Variants in STPG2 observed in about 807,000 individuals in gnomAD.
STPG2 encodes sperm tail PG-rich repeat containing 2, also known as sperm-tail PG-rich repeat-containing protein 2.
Under a neutral mutation model 54.2 loss-of-function variants are expected in STPG2, and 56 were observed. The ratio of observed to expected loss-of-function variants is 1.03; its 90% CI spans 0.83 to 1.29. STPG2 has a LOEUF of 1.29. STPG2 is among the 50% of genes most tolerant of loss of function. The probability of loss-of-function intolerance (pLI) is 0.00; values close to 1 mark genes in which losing one functional copy is unlikely to be tolerated. For synonymous variants in STPG2, 200 were observed against 181.8 expected, an observed-to-expected ratio of 1.10 and a Z score of -0.81; for missense variants, 596 against 544.9, an observed-to-expected ratio of 1.09 and a Z score of -0.93.
At chr4:97,631,477 G>C (rs1461471182) in intron 10 of STPG2, among the ~76,000 whole-genome samples, 3 of 152,162 alleles carry the variant, frequency 2.0e-5, no homozygotes, top group South Asian at 4.1e-4. Flanking sequence ...AATATATTCT[G>C]TAATTTTTAT....
intron 5 of STPG2, among the ~76,000 whole-genome samples, chr4:98,041,598 T>A (rs1736960856): frequency 1.3e-5 from 2 of 152,074 alleles, no homozygotes; most frequent in South Asian, 4.1e-4. Context: ...ATCATATAGT[T>A]TTTTGTTTTT....
chr4:98,111,561 C>T (rs1739348081), intron 3 of STPG2, among the ~76,000 whole-genome samples: 1 of 152,132 alleles, frequency 6.6e-6, no homozygotes. Flanking sequence ...AGCCCCCACA[C>T]ATTATAATAT....
intron 10 of STPG2, among the ~76,000 whole-genome samples, chr4:97,588,846 C>CA (rs1376390113): frequency 6.6e-6 from 1 of 151,976 alleles, no homozygotes; most frequent in African/African-American, 2.4e-5. Context: ...CTATCAAAAA[C>CA]AAAAACAGCA....
At chr4:98,004,170 GC>G (rs1329784879) in intron 5 of STPG2, among the ~76,000 whole-genome samples, 1 of 152,048 alleles carries the variant, frequency 6.6e-6, no homozygotes, top group Non-Finnish European at 1.5e-5. Context: ...CCACCTCCCA[GC>G]CCCTAACAAC....
At chr4:97,515,216 A>C (rs1480919432) in intron 4 of STPG2, among the ~76,000 whole-genome samples, 1 of 152,086 alleles carries the variant, frequency 6.6e-6, no homozygotes, top group Non-Finnish European at 1.5e-5. Context: ...CAGTAAATCT[A>C]TAAGGTTGCA....
At chr4:98,070,817 C>A (rs923267822) in intron 5 of STPG2, among the ~76,000 whole-genome samples, 1 of 151,902 alleles carries the variant, frequency 6.6e-6, no homozygotes, top group African/African-American at 2.4e-5. Context: ...AAGTAAAGGA[C>A]CTCTTCAAGG....
intron 4 of STPG2, among the ~76,000 whole-genome samples, chr4:97,480,466 C>T (rs548958328): frequency 2.9e-4 from 44 of 151,506 alleles, no homozygotes; most frequent in African/African-American, 9.6e-4. Context: ...TTTTAAGAGG[C>T]CTGTAATACC....
chr4:97,966,984 G>A (rs937118686), intron 7 of STPG2, among the ~76,000 whole-genome samples: 9 of 152,078 alleles, frequency 5.9e-5, no homozygotes, highest in Admixed American at 2.0e-4. Flanking sequence ...ACATCATAAT[G>A]ACAGGATCAA....
intron 5 of STPG2, among the ~76,000 whole-genome samples, chr4:98,063,704 C>T (rs542907568): frequency 2.8e-4 from 42 of 151,720 alleles, no homozygotes; most frequent in Non-Finnish European, 4.9e-4. Flanking sequence ...ATAGACAAGT[C>T]TATATCAAAA....
chr4:97,861,774 T>G (rs1729550591), intron 8 of STPG2, among the ~76,000 whole-genome samples: 1 of 152,084 alleles, frequency 6.6e-6, no homozygotes, highest in Non-Finnish European at 1.5e-5. Flanking sequence ...TATTCAACGT[T>G]CTTAAAGAGA....
At chr4:97,801,130 C>T (rs968837500) in intron 9 of STPG2, among the ~76,000 whole-genome samples, 7 of 152,294 alleles carry the variant, frequency 4.6e-5, no homozygotes, top group South Asian at 2.1e-4. Context: ...TTGTGCTTCC[C>T]GGGTGAGGCA....
At chr4:97,620,574 C>T (rs1217935035) in intron 10 of STPG2, among the ~76,000 whole-genome samples, 1 of 152,094 alleles carries the variant, frequency 6.6e-6, no homozygotes, top group Admixed American at 6.6e-5. Context: ...GTAAAGAGTT[C>T]AATTCAATAA....
chr4:97,799,480 T>A (rs1164870695), intron 9 of STPG2, among the ~76,000 whole-genome samples: 1 of 152,204 alleles, frequency 6.6e-6, no homozygotes, highest in African/African-American at 2.4e-5. Context: ...GGGTTGAAAA[T>A]TCTTTTCTTA....
Position 98,023,145 on chromosome 4 carries a change from G to C in STPG2, c.613-41827C>G, listed in dbSNP as rs561214621. ...GCTCTGTTTTTTCGCCATCTTTGTG[G>C]TTTCATCTACTTTTGGTCTTTGATG... On this transcript the variant is annotated intron_variant, in intron 5 of 10. Transcript: ENST00000295268. Among the ~76,000 whole-genome samples, 9 of 152,240 alleles carry C rather than the reference G, an allele frequency of 5.9e-5. No homozygotes were observed. The South Asian group carries it at 1.9e-3, about 32-fold the overall frequency.
chr4:98,130,952 G>A lies in STPG2; in HGVS notation c.223-2360C>T, dbSNP rs1459829302. 7.6e-3 allele frequency among the ~76,000 whole-genome samples: 618 copies of A among 81,514 alleles called. 43 individuals carry two copies. Among genetic ancestry groups the A allele is most frequent in the African/African-American group, 0.011 (230 of 20,288 alleles). 53.5% of individuals were successfully genotyped at this position (81,514 alleles called of 152,430 possible). On this transcript the variant is annotated intron_variant, in intron 2 of 10. Transcript: ENST00000295268. ...AAAAAAAAAAAAACAAAAAAAAAAC[G>A]ACTTTCCAAAATATAGCCCCTACCT...
chr4:97,521,003 C>G lies in STPG2; in HGVS notation c.462+191696G>C, dbSNP rs115776073. The stretch of plus-strand genomic sequence containing the variant: ...AACAAAGGAGTCTGAAAATTAAGTT[C>G]AGACTTTTGATATTTATGTTATTAA... On this transcript the variant is annotated intron_variant, in intron 4 of 4. Coordinates refer to the STPG2 transcript ENST00000522676. 7.3e-3 allele frequency among the ~76,000 whole-genome samples: 1,106 copies of G among 151,860 alleles called. 6 individuals carry two copies. The highest frequency in any genetic ancestry group is 0.013 in the Non-Finnish European group (865 of 67,906).
chr4:98,068,108 T>C (rs1244011312), intron 5 of STPG2, among the ~76,000 whole-genome samples: 1 of 152,238 alleles, frequency 6.6e-6, no homozygotes, highest in East Asian at 1.9e-4. Flanking sequence ...TCAAGTAACA[T>C]CCAGGCTGTG....
chr4:97,740,749 A>G (rs1311453345), intron 9 of STPG2, among the ~76,000 whole-genome samples: 2 of 152,118 alleles, frequency 1.3e-5, no homozygotes, highest in African/African-American at 4.8e-5. Flanking sequence ...AATGCTCATG[A>G]GTAGGAAGAA....
chr4:97,742,116 A>G (rs925663248), intron 9 of STPG2, among the ~76,000 whole-genome samples: 4 of 152,026 alleles, frequency 2.6e-5, no homozygotes, highest in Non-Finnish European at 5.9e-5. Context: ...TCGCAAGAAA[A>G]AAAAACCAAA....
Sources: gnomAD v4.1 joint callset for allele counts (sites outside exome capture counted in the v4.1 genomes callset) on GRCh38, gnomAD v4.1.1 for gene constraint, MANE v1.5 for transcripts, NCBI Gene and HGNC (gene_info 2026-07-23, HGNC 2026-07-21) for gene names.